The following ZNF219 variants were observed in gnomAD, a reference collection of about 807,000 sequenced individuals.
ZNF219 encodes the protein zinc finger protein 219.
Under a neutral mutation model 54.4 loss-of-function variants are expected in ZNF219, and 17 were observed. That is an observed-to-expected ratio of 0.31 (90% CI 0.21 to 0.47). The LOEUF is 0.47. Ranked by LOEUF, ZNF219 falls within the 20% of genes least tolerant of loss-of-function variation. The pLI, the probability that ZNF219 is intolerant of heterozygous loss-of-function variation, is 1.00. For synonymous variants in ZNF219, 518 were observed against 476.4 expected, an observed-to-expected ratio of 1.09 and a Z score of -1.14; for missense variants, 1,014 against 1,062.3, an observed-to-expected ratio of 0.95 and a Z score of 0.63.
rs1462393600 is a variant in ZNF219 at position 21,090,179 on chromosome 14, A to T, written c.*357T>A. The T allele has an allele frequency of 1.9e-6, 1 of 524,986 alleles. No homozygotes were observed. The highest frequency in any genetic ancestry group is 2.3e-5 in the Admixed American group (1 of 44,382). The allele number at this position is 524,986 out of a possible 1,614,324, so 32.5% of individuals were successfully genotyped here. The stretch of plus-strand genomic sequence containing the variant: ...CGTCTACAGGGCCCCTGATGGGGCT[A>T]GAAGGGTACAGTGCCCCCCACCCTC... On this transcript the variant is annotated 3_prime_UTR_variant, in exon 5 of 5. Transcript: ENST00000360947. The surrounding 1 kb of genome is among the most constrained non-coding windows in gnomAD (Gnocchi z 4.4).
At chr14:21,094,317 AAG>A (rs545570275) in intron 1 of ZNF219, 257 of 453,108 alleles carry the variant, frequency 5.7e-4, no homozygotes, top group Middle Eastern at 2.6e-3. Context: ...AGAGGGAATG[AAG>A]AGAGAGTTGG....
rs1307489596 is a variant in ZNF219 at position 21,090,758 on chromosome 14, G to A, written c.1947C>T (p.Leu649=). The part of the protein sequence containing the change: ...AGPGGALHRC[L]FCPFATGAPE... ...GGGCTCCAGTGGCGAACGGGCAGAAGAGGCAGCGGTGGAGGGCACCCCCAG... is the reference window on the plus strand; with the variant it reads ...GGGCTCCAGTGGCGAACGGGCAGAAAAGGCAGCGGTGGAGGGCACCCCCAG... The change falls in exon 5 of 5, where the codon CTC becomes CTT. Residue 649 remains leucine (L), a synonymous_variant. Transcript: ENST00000360947. This position sits in a 1 kb window ranked among gnomAD's most constrained non-coding sequence, Gnocchi z 4.4. The A allele has an allele frequency of 6.2e-7, 1 of 1,606,162 alleles. No homozygotes were observed. The highest frequency in any genetic ancestry group is 8.5e-7 in the Non-Finnish European group (1 of 1,177,220).
upstream of ZNF219, chr14:21,102,011 G>A: frequency 6.4e-7 from 1 of 1,550,396 alleles, no homozygotes; most frequent in South Asian, 1.2e-5. Context: ...GAAGGTCCCA[G>A]GGCCCCTTCC....
intron 1 of ZNF219, chr14:21,104,465 C>G (rs1034821341): frequency 1.3e-5 from 2 of 152,260 alleles, no homozygotes; most frequent in African/African-American, 4.8e-5. Context: ...TTGCTGGCCG[C>G]TAGAAACTAG....
intron 1 of ZNF219, among the ~76,000 whole-genome samples, chr14:21,096,330 C>T (rs987677805): frequency 6.6e-6 from 1 of 152,188 alleles, no homozygotes. Context: ...AAAGTTTCCC[C>T]AGAAGGTGGC....
chr14:21,096,812 C>T lies in ZNF219; in HGVS notation c.-84+1500G>A, dbSNP rs557135862. On this transcript the variant is annotated intron_variant, in intron 1 of 4. Coordinates refer to ENST00000360947, the MANE Select transcript of ZNF219 (RefSeq NM_016423.3). Reference sequence around the variant, plus strand: ...GGTTGGTGAAAAGACTTAGAAACAACAAGGACAGGTACATAGAAGTATTTG... The same window carrying T: ...GGTTGGTGAAAAGACTTAGAAACAATAAGGACAGGTACATAGAAGTATTTG... Among the ~76,000 whole-genome samples the T allele has an allele frequency of 3.9e-5, 6 of 152,322 alleles. No homozygotes were observed. In the South Asian group the frequency reaches 1.2e-3, roughly 32 times the overall value.
rs778608205 is a variant in ZNF219, at chr14:21,090,993, C to A, written c.1712G>T (p.Gly571Val). ...PPEPPPPSQRGSAPQSGAKPS... is the reference protein window; with the variant it reads ...PPEPPPPSQRVSAPQSGAKPS... Reference sequence around the variant, plus strand: ...CTTGGCTCCAGATTGCGGGGCCGAACCCCGCTGGGAAGGAGGCGGTGGCTC... The same window carrying A: ...CTTGGCTCCAGATTGCGGGGCCGAAACCCGCTGGGAAGGAGGCGGTGGCTC... The change falls in exon 5 of 5, where the codon GGT (glycine) becomes GTT (valine). Residue 571 changes from glycine to valine, a missense_variant. This residue lies in a region of ZNF219 where 281 missense variants were observed against 271.2 expected (regional missense o/e 1.04). Transcript: ENST00000360947. This position sits in a 1 kb window ranked among gnomAD's most constrained non-coding sequence, Gnocchi z 4.4. 8 of 1,550,210 alleles carry A rather than the reference C, an allele frequency of 5.2e-6. No individual in the cohort carries two copies. In the African/African-American group the frequency reaches 8.2e-5, roughly 16 times the overall value.
upstream of ZNF219, chr14:21,102,803 C>G (rs768703771): frequency 1.9e-6 from 3 of 1,543,294 alleles, no homozygotes; most frequent in South Asian, 3.6e-5. Context: ...GAAGAAAGCA[C>G]GAATAGCTAG....
In ZNF219 at chr14:21,092,218, G is replaced by A. The variant is rs1331998192; in HGVS notation, c.1079C>T (p.Ala360Val). 5 of 1,445,640 alleles carry A rather than the reference G, an allele frequency of 3.5e-6. No individual in the cohort carries two copies. Among genetic ancestry groups the A allele is most frequent in the African/African-American group, 1.4e-5 (1 of 69,640 alleles). The allele number at this position is 1,445,640 out of a possible 1,614,324, so 89.6% of individuals were successfully genotyped here. A position where few individuals can be genotyped will look rare whatever the true frequency, so the allele number is the denominator to read the frequency against. Residue 360 changes from alanine to valine, a missense_variant, in exon 3 of 5, where the codon GCG becomes GTG. By Grantham distance (64) the Ala-to-Val change is moderately conservative. Around this residue, in one of 5 missense-constraint regions of ZNF219, gnomAD observed 272 missense variants for 248.9 expected, o/e 1.09. Transcript: ENST00000360947. ...GLLAYEPLGPALLLAPAPTPA... is the reference protein window; with the variant it reads ...GLLAYEPLGPVLLLAPAPTPA... Reference sequence around the variant, plus strand: ...GGTGGGAGCCGGGGCCAAGAGGAGCGCTGGGCCCAACGGCTCATAGGCCAG... The same window carrying A: ...GGTGGGAGCCGGGGCCAAGAGGAGCACTGGGCCCAACGGCTCATAGGCCAG...
At chr14:21,099,742 C>T (rs1566556028), upstream of ZNF219, among the ~76,000 whole-genome samples, 1 of 152,188 alleles carries the variant, frequency 6.6e-6, no homozygotes, top group East Asian at 1.9e-4. Flanking sequence ...GAAAGCAACC[C>T]CTTGAGACTG....
Position 21,090,542 on chromosome 14 carries a change from T to A in ZNF219, c.2163A>T (p.Glu721Asp). ...AATCGCCCCTGAGGGCCCACTACCG[T>A]TCTTGCCCCCCCAGCCCTGCCTCTC... ...RPGEAGLGGQ[E>D]R Residue 721 changes from glutamate to aspartate, a missense_variant, in exon 5 of 5, where the codon GAA becomes GAT. Physicochemically the swap from Glu to Asp is conservative, Grantham distance 45. This residue lies in a region of ZNF219 where 281 missense variants were observed against 271.2 expected (regional missense o/e 1.04). Coordinates refer to ENST00000360947, the MANE Select transcript of ZNF219 (RefSeq NM_016423.3). This position sits in a 1 kb window ranked among gnomAD's most constrained non-coding sequence, Gnocchi z 4.4. 6.3e-7 allele frequency: 1 copy of A among 1,594,290 alleles called. No individual in the cohort carries two copies. Among genetic ancestry groups the A allele is most frequent in the Non-Finnish European group, 8.6e-7 (1 of 1,167,412 alleles).
In ZNF219 at chr14:21,092,293, C is replaced by A; in HGVS notation, c.1004G>T (p.Gly335Val). The change falls in exon 3 of 5, where the codon GGG becomes GTG. Residue 335 changes from glycine (G) to valine (V), a missense_variant. Transcript: ENST00000360947. ...ASKLGPLRAP[G>V]PASGPARAPQ... is the part of the protein sequence containing the mutation. ...GGCGCGGGCAGGCCCGGAGGCAGGC[C>A]CCGGGGCACGCAGTGGGCCCAGCTT... is the stretch of plus-strand genomic sequence containing the variant. 1 of 1,521,250 alleles carries A rather than the reference C, an allele frequency of 6.6e-7. No individual in the cohort carries two copies. Among genetic ancestry groups the A allele is most frequent in the Non-Finnish European group, 8.8e-7 (1 of 1,136,948 alleles). 94.2% of individuals were successfully genotyped at this position (1,521,250 alleles called of 1,614,324 possible).
At chr14:21,096,624 A>AGT (rs1394157208) in intron 1 of ZNF219, among the ~76,000 whole-genome samples, 1 of 152,206 alleles carries the variant, frequency 6.6e-6, no homozygotes, top group Non-Finnish European at 1.5e-5. Context: ...ACTGGGAATC[A>AGT]GGGGTTATCT....
chr14:21,102,629 GC>G, upstream of ZNF219: 1 of 1,551,392 alleles, frequency 6.4e-7, no homozygotes, highest in Non-Finnish European at 8.7e-7. Flanking sequence ...CTGTCTACCT[GC>G]AGCATGCTGG....
chr14:21,097,001 T>C (rs1341902450), intron 1 of ZNF219, among the ~76,000 whole-genome samples: 2 of 152,100 alleles, frequency 1.3e-5, no homozygotes, highest in Admixed American at 6.6e-5. Flanking sequence ...ACCTCCCAAA[T>C]CTGCTAACAA....
chr14:21,101,980 G>T, upstream of ZNF219: 1 of 1,551,524 alleles, frequency 6.4e-7, no homozygotes, highest in Non-Finnish European at 8.7e-7. Context: ...GCCTCAGTAA[G>T]ACCCACCACA....
chr14:21,094,681 AGTGCT>A (rs1889181624), intron 1 of ZNF219: 1 of 141,804 alleles, frequency 7.1e-6, no homozygotes, highest in African/African-American at 3.0e-5. Context: ...GCAGAGCTCC[AGTGCT>A]GGGGAAGGAG....
Position 21,092,202 on chromosome 14 carries a change from CG to C in ZNF219, c.1094del (p.Pro365ArgfsTer18). On this transcript the variant is annotated frameshift_variant, in exon 3 of 5. Transcript: ENST00000360947. LOFTEE classifies it high-confidence loss of function. ...EPLGPALLLA[P>X]APTPAERREP... The stretch of plus-strand genomic sequence containing the variant: ...CACGGCGCTCGGCCGGGGTGGGAGC[CG>C]GGGCCAAGAGGAGCGCTGGGCCCAA... 7.0e-7 allele frequency: 1 copy of C among 1,437,454 alleles called. No homozygotes were observed. The highest frequency in any genetic ancestry group is 9.1e-7 in the Non-Finnish European group (1 of 1,102,282). The allele number at this position is 1,437,454 out of a possible 1,614,324, so 89.0% of individuals were successfully genotyped here. A position where few individuals can be genotyped will look rare whatever the true frequency, so the allele number is the denominator to read the frequency against.
rs745494672 is a variant in ZNF219, at chr14:21,090,621, G to A, written c.2084C>T (p.Thr695Ile). 6.2e-7 allele frequency: 1 copy of A among 1,612,364 alleles called. No homozygotes were observed. The highest frequency in any genetic ancestry group is 1.3e-5 in the African/African-American group (1 of 75,058). The change falls in exon 5 of 5, where the codon ACC (threonine) becomes ATC (isoleucine). Residue 695 changes from threonine to isoleucine, a missense_variant. Physicochemically the swap from Thr to Ile is moderately conservative, Grantham distance 89. This residue lies in a region of ZNF219 where 281 missense variants were observed against 271.2 expected (regional missense o/e 1.04). Transcript: ENST00000360947. The surrounding 1 kb of genome is among the most constrained non-coding windows in gnomAD (Gnocchi z 4.4). ...CCCTTCCTGCGAAGGACTGGGAGGG[G>A]TCTCTCCTGATGGTACTCGGGCATA... ...PPYARVPSGE[T>I]PPSPSQEGEE...
Sources: allele counts gnomAD v4.1 joint callset (sites outside exome capture counted in the v4.1 genomes callset), GRCh38; gene constraint gnomAD v4.1.1; regional missense constraint gnomAD v4.1.1; non-coding constraint Gnocchi (gnomAD v3.1); transcripts MANE v1.5; gene names NCBI Gene and HGNC (gene_info 2026-07-23, HGNC 2026-07-21).